The following NSD2 variants were observed in gnomAD, a reference collection of about 807,000 sequenced individuals.
NSD2 encodes the protein histone-lysine N-methyltransferase NSD2.
A neutral mutation model predicts 139.0 loss-of-function variants in NSD2; 12 were observed. The ratio of observed to expected loss-of-function variants is 0.09; its 90% confidence interval spans 0.06 to 0.14. The LOEUF (loss-of-function observed/expected upper bound fraction) is 0.14. Among genes scored for constraint, NSD2 ranks in the 10% least tolerant of loss-of-function variants. The pLI, the probability that NSD2 is intolerant of heterozygous loss-of-function variation, is 1.00. For missense variants in NSD2, 1,155 were observed against 1,745.0 expected (o/e 0.66, Z 6.02); for synonymous variants, 669 against 648.7 (o/e 1.03, Z -0.48).
In NSD2 at chr4:1,900,641, A is replaced by T. The variant is rs754947943; in HGVS notation, c.-14A>T. 11 of 1,538,276 alleles carry T rather than the reference A, an allele frequency of 7.2e-6. No individual in the cohort carries two copies. Among genetic ancestry groups the T allele is most frequent in the Non-Finnish European group, 9.6e-6 (11 of 1,144,044 alleles). The stretch of plus-strand genomic sequence containing the variant: ...AATACCATAGTGTTCTAAGAACGGA[A>T]GCATCTGGGCTGGATGGAATTTAGC... On this transcript the variant is annotated 5_prime_UTR_variant, in exon 2 of 22. The change creates a new upstream start codon in the 5' untranslated region. Coordinates refer to ENST00000508803, the MANE Select transcript of NSD2 (RefSeq NM_001042424.3).
At chr4:1,940,073 TG>T (rs1183580934) in intron 9 of NSD2, 2 of 1,275,708 alleles carry the variant, frequency 1.6e-6, no homozygotes, top group African/African-American at 3.0e-5. Context: ...AAGAATGTTG[TG>T]TTCTGTGTAG....
intron 1 of NSD2, among the ~76,000 whole-genome samples, chr4:1,889,464 G>T (rs1715365841): frequency 6.6e-6 from 1 of 151,880 alleles, no homozygotes; most frequent in South Asian, 2.1e-4. Flanking sequence ...CAGAGTGCTG[G>T]GATTATGGGT....
At chr4:1,964,624 T>G (rs1725688449) in intron 18 of NSD2, among the ~76,000 whole-genome samples, 1 of 150,764 alleles carries the variant, frequency 6.6e-6, no homozygotes, top group African/African-American at 2.4e-5. Context: ...GACAAAGAGG[T>G]GCGCTGCGCT....
At chr4:1,914,204 G>A (rs1241994558) in intron 3 of NSD2, among the ~76,000 whole-genome samples, 1 of 152,044 alleles carries the variant, frequency 6.6e-6, no homozygotes, top group Non-Finnish European at 1.5e-5. Context: ...TGTATTTTTA[G>A]TAGAGATGGG....
intron 1 of NSD2, among the ~76,000 whole-genome samples, chr4:1,896,407 T>A (rs1051049372): frequency 1.3e-5 from 2 of 152,368 alleles, no homozygotes; most frequent in South Asian, 4.1e-4. Flanking sequence ...GACAAGGTCT[T>A]GCTGAGTCTG....
At chr4:1,947,337 C>T (rs894328961) in intron 9 of NSD2, 2 of 1,062,066 alleles carry the variant, frequency 1.9e-6, no homozygotes, top group South Asian at 4.6e-5. Context: ...CTTGCTGCCA[C>T]CTGCTTGGGG....
chr4:1,963,237 C>T (rs535309000), intron 18 of NSD2, among the ~76,000 whole-genome samples: 2 of 152,242 alleles, frequency 1.3e-5, no homozygotes, highest in South Asian at 4.1e-4. Context: ...TTGTACACAG[C>T]GCCTCTAGGA....
chr4:1,877,433 C>T (rs1481517586), intron 1 of NSD2, among the ~76,000 whole-genome samples: 4 of 152,066 alleles, frequency 2.6e-5, no homozygotes, highest in African/African-American at 7.2e-5. Flanking sequence ...ACTTGTTTTG[C>T]CCTCATCTCA....
At chr4:1,940,686 G>A (rs1014783056) in intron 9 of NSD2, 1 of 1,061,372 alleles carries the variant, frequency 9.4e-7, no homozygotes, top group African/African-American at 1.6e-5. Flanking sequence ...TTGGAACAGG[G>A]TAGTGAGGCA....
chr4:1,897,657 CAG>C (rs1019881875), intron 1 of NSD2, among the ~76,000 whole-genome samples: 3 of 152,208 alleles, frequency 2.0e-5, no homozygotes, highest in South Asian at 2.1e-4. Flanking sequence ...ATTTTTGAGA[CAG>C]AGTCTCACTC....
chr4:1,879,949 C>T (rs1311929312), intron 1 of NSD2, among the ~76,000 whole-genome samples: 2 of 151,790 alleles, frequency 1.3e-5, no homozygotes, highest in African/African-American at 4.8e-5. Flanking sequence ...TTCTCTTCTC[C>T]AGGTTGTGAA....
intron 9 of NSD2, among the ~76,000 whole-genome samples, chr4:1,949,643 A>G (rs1445911825): frequency 6.6e-6 from 1 of 152,124 alleles, no homozygotes; most frequent in Admixed American, 6.5e-5. Flanking sequence ...GGTGCCTGTA[A>G]TACCCAGCTA....
intron 1 of NSD2, among the ~76,000 whole-genome samples, chr4:1,872,637 C>CGCGA (rs1553856508): frequency 9.8e-5 from 8 of 81,746 alleles, no homozygotes; most frequent in South Asian, 9.7e-4. Flanking sequence ...AGAGAGAGAG[C>CGCGA]GCGCAGACCC....
chr4:1,898,224 C>A (rs1041254358), intron 1 of NSD2, among the ~76,000 whole-genome samples: 1 of 152,120 alleles, frequency 6.6e-6, no homozygotes, highest in African/African-American at 2.4e-5. Flanking sequence ...GTAGCAGGGA[C>A]TACAGGTGCA....
rs1727737852 is a variant in NSD2 at position 1,981,271 on chromosome 4, A to G, written c.*2362A>G. 1 of 233,196 alleles carries G rather than the reference A, an allele frequency of 4.3e-6. No individual in the cohort carries two copies. Among genetic ancestry groups the G allele is most frequent in the South Asian group, 1.8e-4 (1 of 5,526 alleles). 14.4% of individuals were successfully genotyped at this position (233,196 alleles called of 1,614,324 possible). On this transcript the variant is annotated 3_prime_UTR_variant, in exon 22 of 22. Coordinates refer to ENST00000508803, the MANE Select transcript of NSD2 (RefSeq NM_001042424.3). ...AATGTCTCTACAATACCCGTTGATAACTCAGTGGAGCCAGGCTTTGGGGTA... is the reference window on the plus strand; with the variant it reads ...AATGTCTCTACAATACCCGTTGATAGCTCAGTGGAGCCAGGCTTTGGGGTA...
intron 1 of NSD2, 37 bp from the exon 2 acceptor site, chr4:1,900,589 G>A: frequency 1.4e-6 from 2 of 1,398,314 alleles, no homozygotes; most frequent in Non-Finnish European, 1.9e-6. Flanking sequence ...AAATGTAATT[G>A]CTTTTTCTTT....
At chr4:1,946,579 T>C in intron 9 of NSD2, 3 of 1,021,156 alleles carry the variant, frequency 2.9e-6, no homozygotes, top group Non-Finnish European at 3.5e-6. Context: ...GGGTCTTGCT[T>C]ATTTTAAAAG....
chr4:1,896,809 T>A (rs563670751), intron 1 of NSD2, among the ~76,000 whole-genome samples: 1 of 151,988 alleles, frequency 6.6e-6, no homozygotes, highest in African/African-American at 2.4e-5. Context: ...TCTCTCATTC[T>A]TTCTTTCTTT....
In NSD2 at chr4:1,960,327, A is replaced by C. The variant is rs765760451; in HGVS notation, c.3255+587A>C. Among the ~76,000 whole-genome samples the C allele has an allele frequency of 2.0e-5, 3 of 152,338 alleles. No individual in the cohort carries two copies. The East Asian group carries it at 5.8e-4, about 29-fold the overall frequency. ...GAAGTGACCCACTTTCCTCTGGGCT[A>C]GTAGCCAGGTGCTTGGGAGCACTCA... is the stretch of plus-strand genomic sequence containing the variant. On this transcript the variant is annotated intron_variant, in intron 17 of 21. Coordinates refer to ENST00000508803, the MANE Select transcript of NSD2 (RefSeq NM_001042424.3).
Sources: allele counts gnomAD v4.1 joint callset (sites outside exome capture counted in the v4.1 genomes callset), GRCh38; gene constraint gnomAD v4.1.1; transcripts MANE v1.5; gene names NCBI Gene and HGNC (gene_info 2026-07-23, HGNC 2026-07-21).